MACF1: variants seen among roughly 807,000 people sequenced by gnomAD.
MACF1 encodes the protein microtubule-actin cross-linking factor 1.
MACF1 carries 193 observed loss-of-function variants against 854.8 expected under a neutral mutation model. The ratio of observed to expected loss-of-function variants is 0.23; its 90% CI spans 0.20 to 0.25. The LOEUF is 0.25. MACF1 is among the 10% of genes least tolerant of loss of function. The pLI is 1.00. For missense variants in MACF1, 7,722 were observed against 8,929.1 expected (o/e 0.86, Z 5.45); for synonymous variants, 3,185 against 3,226.7 (o/e 0.99, Z 0.44).
chr1:39,139,331 G>A (rs950778762), intron 2 of MACF1, among the ~76,000 whole-genome samples: 10 of 145,626 alleles, frequency 6.9e-5, no homozygotes, highest in Non-Finnish European at 1.5e-4. Flanking sequence ...TCGCTCTGTC[G>A]CTGCAACCTC....
Position 39,357,480 on chromosome 1 carries a change from C to A in MACF1, c.11530C>A (p.Gln3844Lys). 1 of 1,614,106 alleles carries A rather than the reference C, an allele frequency of 6.2e-7. No homozygotes were observed. The highest frequency in any genetic ancestry group is 8.5e-7 in the Non-Finnish European group (1 of 1,180,016). The change falls in exon 45 of 101, where the codon CAA (glutamine) becomes AAA (lysine). Residue 3844 changes from glutamine to lysine, a missense_variant. Transcript: ENST00000564288. ...QHGHNLTPEEQQMLQQKLGEL... is the reference protein window; with the variant it reads ...QHGHNLTPEEKQMLQQKLGEL... ...TGGCCACAATCTCACACCTGAGGAG[C>A]AACAGATGCTGCAACAGAAGCTGGG... is the stretch of plus-strand genomic sequence containing the variant.
chr1:39,353,313 A>C, intron 44 of MACF1, 82 bp downstream of exon 44: 1 of 1,023,926 alleles, frequency 9.8e-7, no homozygotes, highest in Non-Finnish European at 1.4e-6. Flanking sequence ...TTGCCCCTAA[A>C]TCCAGTGAGC....
intron 47 of MACF1, among the ~76,000 whole-genome samples, chr1:39,359,519 T>C (rs1333385210): frequency 6.6e-6 from 1 of 152,214 alleles, no homozygotes; most frequent in Non-Finnish European, 1.5e-5. Context: ...CATCTACTTT[T>C]CTTTCCCAAG....
intron 6 of MACF1, among the ~76,000 whole-genome samples, chr1:39,273,737 C>A (rs1025977528): frequency 6.6e-6 from 1 of 152,030 alleles, no homozygotes; most frequent in Admixed American, 6.6e-5. Context: ...ACTACAGGCG[C>A]CTGCCACCAT....
chr1:39,349,502 T>C lies in MACF1; in HGVS notation c.10840T>C (p.Cys3614Arg). The C allele has an allele frequency of 6.2e-7, 1 of 1,613,856 alleles. No homozygotes were observed. The highest frequency in any genetic ancestry group is 8.5e-7 in the Non-Finnish European group (1 of 1,179,870). Residue 3614 changes from cysteine (C) to arginine (R), a missense_variant, in exon 42 of 101, where the codon TGT (cysteine) becomes CGT (arginine). Transcript: ENST00000564288. ...GACCCTGCAGAAACAACAAAATACC[T>C]GTCACCAGCAACTGGAGGATCTTTG... ...VKTLQKQQNT[C>R]HQQLEDLCSW...
At chr1:39,160,129 A>G (rs888231647) in intron 2 of MACF1, among the ~76,000 whole-genome samples, 2 of 152,148 alleles carry the variant, frequency 1.3e-5, no homozygotes, top group African/African-American at 2.4e-5. Flanking sequence ...AGCCTGGGCA[A>G]CATAATGAGA....
upstream of MACF1, among the ~76,000 whole-genome samples, chr1:39,201,709 A>T (rs1004608833): frequency 6.6e-6 from 1 of 151,960 alleles, no homozygotes; most frequent in African/African-American, 2.4e-5. Flanking sequence ...AAAGCCCTCC[A>T]ATGGCTTCCC....
Position 39,438,028 on chromosome 1 carries a change from A to AT in MACF1, c.18220+25dup. The stretch of plus-strand genomic sequence containing the variant: ...CAAAAGGTGCTTGATGATTGTCATT[A>AT]TTTTTAAAAATCAACAGAATAAATT... On this transcript the variant is annotated intron_variant, in intron 71 of 100. Coordinates refer to ENST00000564288, the MANE Select transcript of MACF1 (RefSeq NM_001394062.1). 6.2e-7 allele frequency: 1 copy of AT among 1,600,220 alleles called. No homozygotes were observed. Among genetic ancestry groups the AT allele is most frequent in the Non-Finnish European group, 8.5e-7 (1 of 1,170,122 alleles).
At chr1:39,349,793 TA>T (rs1225456950) in intron 42 of MACF1, among the ~76,000 whole-genome samples, 166 bp downstream of exon 42, 1 of 152,210 alleles carries the variant, frequency 6.6e-6, no homozygotes, top group Non-Finnish European at 1.5e-5. Flanking sequence ...CACCATGTCC[TA>T]ATTTTTTAAT....
chr1:39,245,235 A>C (rs911390698), intron 2 of MACF1, among the ~76,000 whole-genome samples: 1 of 152,162 alleles, frequency 6.6e-6, no homozygotes, highest in Non-Finnish European at 1.5e-5. Context: ...TGTAGTGTTT[A>C]ATATCTGTTG....
chr1:39,274,819 GAAGAT>G, intron 6 of MACF1, among the ~76,000 whole-genome samples: 1 of 152,290 alleles, frequency 6.6e-6, no homozygotes, highest in South Asian at 2.1e-4. Flanking sequence ...TTTGTAAATG[GAAGAT>G]AAGAATAGCA....
intron 23 of MACF1, among the ~76,000 whole-genome samples, chr1:39,306,610 C>CT (rs35360749): frequency 0.01 from 1,298 of 124,456 alleles, 30 homozygotes; most frequent in African/African-American, 0.034. Flanking sequence ...ACCATTCTAT[C>CT]TTTTTTTTTT....
At chr1:39,347,608 G>T (rs2148495222) in intron 41 of MACF1, among the ~76,000 whole-genome samples, 2 of 152,208 alleles carry the variant, frequency 1.3e-5, no homozygotes, top group South Asian at 4.1e-4. Flanking sequence ...CTGAGCTCTT[G>T]AGGAGAAGGG....
chr1:39,150,577 C>T (rs559870523), intron 2 of MACF1, among the ~76,000 whole-genome samples: 41 of 152,286 alleles, frequency 2.7e-4, no homozygotes, highest in African/African-American at 9.9e-4. Context: ...TCCCCTTTCA[C>T]AGCCGTGTTC....
chr1:39,233,241 T>G (rs1644806062), intron 2 of MACF1, among the ~76,000 whole-genome samples: 1 of 151,958 alleles, frequency 6.6e-6, no homozygotes, highest in African/African-American at 2.4e-5. Context: ...TCCACGTTAG[T>G]CAGGCTGGTC....
chr1:39,295,995 T>C, intron 20 of MACF1, 113 bp downstream of exon 20: 2 of 889,892 alleles, frequency 2.2e-6, no homozygotes, highest in Middle Eastern at 2.3e-4. Flanking sequence ...CCTTAAAATT[T>C]AGTTGCTTAA....
intron 2 of MACF1, among the ~76,000 whole-genome samples, chr1:39,181,152 C>T (rs933480240): frequency 2.6e-5 from 4 of 152,240 alleles, no homozygotes; most frequent in South Asian, 2.1e-4. Context: ...AAGCGGTACA[C>T]CCGCCTTGGC....
Position 39,310,888 on chromosome 1 carries a change from T to A in MACF1, c.3158T>A (p.Leu1053Gln), listed in dbSNP as rs778679095. ...MYISELKNIR[L>Q]RLEEYEQRVV... ...ATTTCAGAGTTGAAGAACATCCGGC[T>A]ACGCCTGGAGGAGTATGAACAGAGG... Residue 1053 changes from leucine to glutamine, a missense_variant, in exon 26 of 101, where the codon CTA becomes CAA. Coordinates refer to ENST00000564288, the MANE Select transcript of MACF1 (RefSeq NM_001394062.1). 8.1e-6 allele frequency: 13 copies of A among 1,614,202 alleles called. No individual in the cohort carries two copies. The highest frequency in any genetic ancestry group is 1.1e-5 in the Non-Finnish European group (13 of 1,180,024).
chr1:39,224,059 C>T (rs1301868464), intron 1 of MACF1, among the ~76,000 whole-genome samples: 2 of 152,120 alleles, frequency 1.3e-5, no homozygotes, highest in Non-Finnish European at 2.9e-5. Context: ...GCTAAAGATA[C>T]AGATTTGGAA....
Sources: allele counts gnomAD v4.1 joint callset (sites outside exome capture counted in the v4.1 genomes callset), GRCh38; gene constraint gnomAD v4.1.1; transcripts MANE v1.5; gene names NCBI Gene and HGNC (gene_info 2026-07-23, HGNC 2026-07-21).